Variants in AFF3 observed in about 807,000 individuals in gnomAD.
The protein encoded by AFF3 is ALF transcription elongation factor 3, also known as AF4/FMR2 family member 3.
A neutral mutation model predicts 129.7 loss-of-function variants in AFF3; 32 were observed. That is an observed-to-expected ratio of 0.25 (90% confidence interval 0.19 to 0.33). The LOEUF (loss-of-function observed/expected upper bound fraction) is 0.33, where lower values mean the gene tolerates loss of function less well. AFF3 is among the 10% of genes least tolerant of loss of function. The pLI, the probability that AFF3 is intolerant of heterozygous loss-of-function variation, is 1.00. For synonymous variants in AFF3, 644 were observed against 635.4 expected (o/e 1.01, Z -0.20); for missense variants, 1,373 against 1,592.0 (o/e 0.86, Z 2.34).
At chr2:99,778,238 C>T (rs10185545) in intron 8 of AFF3, among the ~76,000 whole-genome samples, 5,389 of 152,222 alleles carry the variant, frequency 0.035, 257 homozygotes, top group African/African-American at 0.11. Flanking sequence ...TCCTCCTTCT[C>T]CTTCTCATCT....
chr2:99,758,300 G>A (rs116819177), intron 8 of AFF3, among the ~76,000 whole-genome samples: 2,218 of 152,270 alleles, frequency 0.015, 28 homozygotes, highest in Middle Eastern at 0.031. Context: ...CTTCACATGC[G>A]GTCGGGCAGA....
At chr2:100,089,210 T>G (rs572225055) in intron 4 of AFF3, among the ~76,000 whole-genome samples, 153 of 151,904 alleles carry the variant, frequency 1.0e-3, no homozygotes, top group Non-Finnish European at 1.9e-4. Context: ...CACTCCCTAT[T>G]TATTTGTAGG....
At chr2:100,023,756 T>C (rs1683794577) in intron 4 of AFF3, among the ~76,000 whole-genome samples, 2 of 152,122 alleles carry the variant, frequency 1.3e-5, no homozygotes, top group Admixed American at 6.5e-5. Flanking sequence ...TGGTTGGCAA[T>C]GTTAAAGTGC....
intron 8 of AFF3, among the ~76,000 whole-genome samples, chr2:99,789,822 G>A (rs753813119): frequency 1.5e-4 from 23 of 152,188 alleles, no homozygotes; most frequent in Non-Finnish European, 2.8e-4. Flanking sequence ...ATAAACATCA[G>A]TGGCATAAGC....
chr2:99,960,212 T>C (rs1677087660), intron 7 of AFF3, among the ~76,000 whole-genome samples: 1 of 152,190 alleles, frequency 6.6e-6, no homozygotes, highest in Non-Finnish European at 1.5e-5. Context: ...AATGTATCTT[T>C]TAAAAATCCT....
At chr2:100,105,693 C>A in intron 2 of AFF3, 110 bp from the exon 3 acceptor site, 1 of 1,354,806 alleles carries the variant, frequency 7.4e-7, no homozygotes, top group South Asian at 1.2e-5. Context: ...TGCTGAGAAG[C>A]GCATGTCTCC....
chr2:99,623,151 C>CTTT (rs77383046), intron 13 of AFF3, among the ~76,000 whole-genome samples: 7 of 124,182 alleles, frequency 5.6e-5, no homozygotes, highest in African/African-American at 1.5e-4. Context: ...ACCTCTGGTT[C>CTTT]TTTTTTTTTT....
intron 4 of AFF3, among the ~76,000 whole-genome samples, chr2:100,067,088 C>T (rs17023459): frequency 0.14 from 20,875 of 151,348 alleles, 1,665 homozygotes; most frequent in African/African-American, 0.17. Context: ...AACTGCAATT[C>T]GTGGACTTGT....
chr2:99,546,346 G>T lies in AFF3; in HGVS notation c.*5128C>A. On this transcript the variant is annotated 3_prime_UTR_variant, in exon 25 of 25. Coordinates refer to ENST00000672756, the MANE Select transcript of AFF3 (RefSeq NM_001386135.1). Reference sequence around the variant, plus strand: ...TTCCTGTCCCACCCATCTCTGGGATGAGGAGTTCTCCATGGTGACCCTGAG... The same window carrying T: ...TTCCTGTCCCACCCATCTCTGGGATTAGGAGTTCTCCATGGTGACCCTGAG... 4.3e-6 allele frequency: 1 copy of T among 232,932 alleles called. No individual in the cohort carries two copies. Among genetic ancestry groups the T allele is most frequent in the Non-Finnish European group, 8.5e-6 (1 of 117,862 alleles). The allele number at this position is 232,932 out of a possible 1,614,324, so 14.4% of individuals were successfully genotyped here. A position where few individuals can be genotyped will look rare whatever the true frequency, so the allele number is the denominator to read the frequency against.
chr2:99,766,812 A>T (rs1683062182), intron 8 of AFF3, among the ~76,000 whole-genome samples: 1 of 152,212 alleles, frequency 6.6e-6, no homozygotes, highest in African/African-American at 2.4e-5. Flanking sequence ...AAAGAGGAAG[A>T]CATTAAATTA....
intron 7 of AFF3, among the ~76,000 whole-genome samples, chr2:99,851,281 A>G (rs888624851): frequency 2.6e-5 from 4 of 152,228 alleles, no homozygotes; most frequent in Non-Finnish European, 4.4e-5. Context: ...AGTCCATGAC[A>G]TTCTGTAACT....
intron 9 of AFF3, among the ~76,000 whole-genome samples, chr2:99,750,412 T>C (rs1442353885): frequency 1.7e-4 from 2 of 12,018 alleles, no homozygotes; most frequent in East Asian, 8.9e-3. Context: ...TTTTTTTTTT[T>C]CTTTTCTTTT....
intron 8 of AFF3, among the ~76,000 whole-genome samples, chr2:99,788,890 T>C (rs1684997967): frequency 1.3e-5 from 2 of 152,172 alleles, no homozygotes; most frequent in South Asian, 2.1e-4. Flanking sequence ...GATACATATA[T>C]AGTTATCATT....
intron 4 of AFF3, among the ~76,000 whole-genome samples, chr2:100,013,511 A>G (rs1400153218): frequency 6.6e-6 from 1 of 152,228 alleles, no homozygotes; most frequent in Admixed American, 6.5e-5. Flanking sequence ...GTGTAAAAGG[A>G]ACAGCAATGT....
intron 10 of AFF3, among the ~76,000 whole-genome samples, chr2:99,738,569 T>G (rs907085348): frequency 2.6e-5 from 4 of 152,180 alleles, no homozygotes; most frequent in Non-Finnish European, 5.9e-5. Context: ...AGATTTCCTT[T>G]GGGACTAGTC....
In AFF3 at chr2:100,006,719, T is replaced by C. The variant is rs1271919605; in HGVS notation, c.786A>G (p.Thr262=). 1.2e-6 allele frequency: 2 copies of C among 1,614,232 alleles called. No individual in the cohort carries two copies. Among genetic ancestry groups the C allele is most frequent in the Middle Eastern group, 1.6e-4 (1 of 6,062 alleles). ...TGCTGGCAGGGACTCCCCTGTATGA[T>C]GTGCAGTGCACGCTGGTTTCCGAAG... is the stretch of plus-strand genomic sequence containing the variant. ...KSSSETSVHC[T]SYRGVPASKP... The change falls in exon 7 of 25, where the codon ACA becomes ACG. Residue 262 remains threonine (T), a synonymous_variant. Coordinates refer to ENST00000672756, the MANE Select transcript of AFF3 (RefSeq NM_001386135.1).
At chr2:99,670,013 GA>G (rs1484190742) in intron 12 of AFF3, among the ~76,000 whole-genome samples, 1 of 152,194 alleles carries the variant, frequency 6.6e-6, no homozygotes, top group Non-Finnish European at 1.5e-5. Context: ...AAATTTCGAT[GA>G]AGTGGCAGCT....
rs138734365 is a variant in AFF3 at position 99,963,825 on chromosome 2, A to G, written c.873+42807T>C. Among the ~76,000 whole-genome samples the G allele has an allele frequency of 3.3e-5, 5 of 152,246 alleles. No individual in the cohort carries two copies. The East Asian group carries it at 9.6e-4, about 29-fold the overall frequency. The stretch of plus-strand genomic sequence containing the variant: ...GTCTTAACAACCAAATAAAAGACAG[A>G]GATTGTCAGAGTGGATAAAATAACA... On this transcript the variant is annotated intron_variant, in intron 7 of 24. Coordinates refer to ENST00000672756, the MANE Select transcript of AFF3 (RefSeq NM_001386135.1).
rs549405000 is a variant in AFF3, at chr2:99,806,571, G to T, written c.921+30906C>A. On this transcript the variant is annotated intron_variant, in intron 8 of 24. Coordinates refer to ENST00000672756, the MANE Select transcript of AFF3 (RefSeq NM_001386135.1). ...GGGAACCACTCCAGACTTGATGGGGGGAAATCCCAGTTGAACTTGATATGA... is the reference window on the plus strand; with the variant it reads ...GGGAACCACTCCAGACTTGATGGGGTGAAATCCCAGTTGAACTTGATATGA... 4.6e-5 allele frequency among the ~76,000 whole-genome samples: 7 copies of T among 152,208 alleles called. No homozygotes were observed. The East Asian group carries it at 1.4e-3, about 29-fold the overall frequency.
Sources: allele counts gnomAD v4.1 joint callset (sites outside exome capture counted in the v4.1 genomes callset), GRCh38; gene constraint gnomAD v4.1.1; transcripts MANE v1.5; gene names NCBI Gene and HGNC (gene_info 2026-07-23, HGNC 2026-07-21).